The following DCAF5 variants were observed in gnomAD, a reference collection of about 807,000 sequenced individuals.
The protein encoded by DCAF5 is DDB1 and CUL4 associated factor 5.
Under a neutral mutation model 80.7 loss-of-function variants are expected in DCAF5, and 9 were observed. The observed-to-expected ratio is 0.11, with a 90% CI of 0.07 to 0.19. The LOEUF is 0.19. DCAF5 is among the 10% of genes least tolerant of loss of function. The pLI is 1.00. For missense variants in DCAF5, 842 were observed against 1,205.7 expected, an observed-to-expected ratio of 0.70 and a Z score of 4.47; for synonymous variants, 433 against 461.9, an observed-to-expected ratio of 0.94 and a Z score of 0.80.
chr14:69,105,925 A>ATATATATATATATAT (rs1595007547), intron 5 of DCAF5, among the ~76,000 whole-genome samples: 1 of 78,138 alleles, frequency 1.3e-5, no homozygotes, highest in East Asian at 3.4e-4. Flanking sequence ...ATATATATAT[A>ATATATATATATATAT]TATATATATA....
At chr14:69,148,985 T>C (rs574391374) in intron 1 of DCAF5, among the ~76,000 whole-genome samples, 2 of 152,328 alleles carry the variant, frequency 1.3e-5, no homozygotes, top group Non-Finnish European at 2.9e-5. Context: ...GTCTGGCTAA[T>C]CTGCACTGGT....
rs1473390174 is a variant in DCAF5, at chr14:69,118,123, T to G, written c.535+16A>C. 6.2e-6 allele frequency: 10 copies of G among 1,613,662 alleles called. No homozygotes were observed. Among genetic ancestry groups the G allele is most frequent in the Non-Finnish European group, 7.6e-6 (9 of 1,179,750 alleles). On this transcript the variant is annotated intron_variant, in intron 4 of 8. Coordinates refer to ENST00000341516, the MANE Select transcript of DCAF5 (RefSeq NM_003861.3). This position sits in a 1 kb window ranked among gnomAD's most constrained non-coding sequence, Gnocchi z 4.0. Reference sequence around the variant, plus strand: ...TGTTCAACACAGTCCAACAGTCATTTGCACAGTGAGCCTACCTCCATGGGG... The same window carrying G: ...TGTTCAACACAGTCCAACAGTCATTGGCACAGTGAGCCTACCTCCATGGGG...
At chr14:69,068,148 T>A (rs978284325) in intron 7 of DCAF5, among the ~76,000 whole-genome samples, 7 of 152,240 alleles carry the variant, frequency 4.6e-5, no homozygotes, top group African/African-American at 1.7e-4. Context: ...TCTGTGTGTG[T>A]GCCCATGCAC....
intron 6 of DCAF5, among the ~76,000 whole-genome samples, chr14:69,082,366 G>A (rs915817082): frequency 2.0e-5 from 3 of 152,158 alleles, no homozygotes; most frequent in African/African-American, 7.2e-5. Flanking sequence ...CATTATTCTT[G>A]CTTCTTTGAG....
Position 69,061,538 on chromosome 14 carries a change from A to G in DCAF5, c.1074+846T>C, listed in dbSNP as rs568356242. Reference sequence around the variant, plus strand: ...CTGGTAGAGGTGAGTTCATTCAGCCAATGTGCAAATGATCCAAGTATTTAG... The same window carrying G: ...CTGGTAGAGGTGAGTTCATTCAGCCGATGTGCAAATGATCCAAGTATTTAG... On this transcript the variant is annotated intron_variant, in intron 8 of 8. Coordinates refer to ENST00000341516, the MANE Select transcript of DCAF5 (RefSeq NM_003861.3). 1.2e-4 allele frequency among the ~76,000 whole-genome samples: 18 copies of G among 152,336 alleles called. No homozygotes were observed. In the East Asian group the frequency reaches 3.5e-3, roughly 29 times the overall value.
At chr14:69,151,519 C>G (rs985508542) in intron 1 of DCAF5, among the ~76,000 whole-genome samples, 6 of 152,180 alleles carry the variant, frequency 3.9e-5, no homozygotes, top group African/African-American at 1.4e-4. Context: ...CTGGGTTCCC[C>G]CTTCATCCCT....
chr14:69,053,642 T>C lies in DCAF5; in HGVS notation c.*215A>G, dbSNP rs1230092853. ...AAGGAGTCACTTGGGTTATTTTTTT[T>C]TCCCCTTTCTTAACACAGCACAAGC... On this transcript the variant is annotated 3_prime_UTR_variant, in exon 9 of 9. Coordinates refer to ENST00000341516, the MANE Select transcript of DCAF5 (RefSeq NM_003861.3). 1 of 493,294 alleles carries C rather than the reference T, an allele frequency of 2.0e-6. No homozygotes were observed. Among genetic ancestry groups the C allele is most frequent in the Non-Finnish European group, 3.4e-6 (1 of 295,762 alleles). The allele number at this position is 493,294 out of a possible 1,614,324, so 30.6% of individuals were successfully genotyped here.
At chr14:69,065,092 AC>A (rs2038377299) in intron 7 of DCAF5, among the ~76,000 whole-genome samples, 2 of 110,886 alleles carry the variant, frequency 1.8e-5, no homozygotes, top group Admixed American at 1.2e-4. Flanking sequence ...ATGCAATATG[AC>A]CTCTTTTTTT....
At chr14:69,150,954 G>A (rs1354579173) in intron 1 of DCAF5, among the ~76,000 whole-genome samples, 1 of 152,072 alleles carries the variant, frequency 6.6e-6, no homozygotes, top group Non-Finnish European at 1.5e-5. Context: ...TTACAATTCC[G>A]TTAACATGAT....
At chr14:69,067,866 ACCTCGTGATCTGCCCACCTTGG>A (rs1343612073) in intron 7 of DCAF5, among the ~76,000 whole-genome samples, 2 of 151,188 alleles carry the variant, frequency 1.3e-5, no homozygotes, top group Non-Finnish European at 2.9e-5. Flanking sequence ...CAATCTCTTG[ACCTCGTGATCTGCCCACCTTGG>A]CCTCCCAAAG....
At chr14:69,075,083 G>T (rs184649370) in intron 7 of DCAF5, among the ~76,000 whole-genome samples, 1 of 152,026 alleles carries the variant, frequency 6.6e-6, no homozygotes, top group East Asian at 1.9e-4. Flanking sequence ...TGGAAATAAG[G>T]GACATAAAGG....
intron 8 of DCAF5, among the ~76,000 whole-genome samples, chr14:69,059,751 G>T (rs2038132459): frequency 6.6e-6 from 1 of 152,112 alleles, no homozygotes; most frequent in Non-Finnish European, 1.5e-5. Flanking sequence ...CAAAGCTGAG[G>T]ACTCCAGAGC....
intron 5 of DCAF5, among the ~76,000 whole-genome samples, chr14:69,100,319 G>C (rs941850567): frequency 1.3e-5 from 2 of 152,164 alleles, no homozygotes; most frequent in African/African-American, 4.8e-5. Flanking sequence ...AGAAAGCTTT[G>C]AGAAAAGTAT....
At chr14:69,078,700 T>C (rs1207464470) in intron 6 of DCAF5, among the ~76,000 whole-genome samples, 2 of 152,182 alleles carry the variant, frequency 1.3e-5, no homozygotes, top group Non-Finnish European at 2.9e-5. Context: ...AGAGTAGTCA[T>C]GAAAATTCAG....
At position 69,152,664 on chromosome 14, in the gene DCAF5, G is replaced by A. The variant is rs905510757; in HGVS notation, c.214+101C>T. ...CGCAGAAGGGGGTAGAGAAAGGGAG[G>A]GGGTGGGGACAGAGGGCAGGAGGAG... is the stretch of plus-strand genomic sequence containing the variant. On this transcript the variant is annotated intron_variant, in intron 1 of 8. Coordinates refer to ENST00000341516, the MANE Select transcript of DCAF5 (RefSeq NM_003861.3). The surrounding 1 kb of genome is among the most constrained non-coding windows in gnomAD (Gnocchi z 4.1). 2.2e-5 allele frequency: 18 copies of A among 814,460 alleles called. No homozygotes were observed. The highest frequency in any genetic ancestry group is 1.2e-4 in the African/African-American group (7 of 58,344). 50.5% of individuals were successfully genotyped at this position (814,460 alleles called of 1,614,324 possible). A position where few individuals can be genotyped will look rare whatever the true frequency, so the allele number is the denominator to read the frequency against.
At chr14:69,094,889 G>C (rs1594985141) in intron 5 of DCAF5, among the ~76,000 whole-genome samples, 1 of 152,040 alleles carries the variant, frequency 6.6e-6, no homozygotes, top group African/African-American at 2.4e-5. Flanking sequence ...AGCAACACCA[G>C]TTAATTGTGA....
In DCAF5 at chr14:69,055,167, C is replaced by A. The variant is rs1328568556; in HGVS notation, c.1519G>T (p.Ala507Ser). 1.2e-6 allele frequency: 2 copies of A among 1,614,236 alleles called. No individual in the cohort carries two copies. The highest frequency in any genetic ancestry group is 8.5e-7 in the Non-Finnish European group (1 of 1,180,032). The change falls in exon 9 of 9, where the codon GCC becomes TCC. Residue 507 changes from alanine (A) to serine (S), a missense_variant. Physicochemically the swap from Ala to Ser is moderately conservative, Grantham distance 99 (BLOSUM62 1). Transcript: ENST00000341516. The surrounding 1 kb of genome is among the most constrained non-coding windows in gnomAD (Gnocchi z 5.6). ...TPPTPTCEDA[A>S]SRQQRLSALR... is the part of the protein sequence containing the mutation. ...GCAGACAGACGCTGCTGGCGAGAGG[C>A]TGCATCCTCACACGTGGGTGTTGGT...
chr14:69,098,225 C>T (rs1205591230), intron 5 of DCAF5, among the ~76,000 whole-genome samples: 3 of 152,108 alleles, frequency 2.0e-5, no homozygotes, highest in Admixed American at 6.5e-5. Context: ...GCTGCAGAGC[C>T]GTAGTACTTA....
At position 69,053,721 on chromosome 14, in the gene DCAF5, A is replaced by G; in HGVS notation, c.*136T>C. On this transcript the variant is annotated 3_prime_UTR_variant, in exon 9 of 9. Transcript: ENST00000341516. ...TGTTGAATGTTGGATAGAAGGGAGCAGCATCAGACACAAAATTTCAGGCCC... is the reference window on the plus strand; with the variant it reads ...TGTTGAATGTTGGATAGAAGGGAGCGGCATCAGACACAAAATTTCAGGCCC... 1.3e-6 allele frequency: 1 copy of G among 756,256 alleles called. No individual in the cohort carries two copies. The highest frequency in any genetic ancestry group is 2.1e-6 in the Non-Finnish European group (1 of 486,004). The allele number at this position is 756,256 out of a possible 1,614,324, so 46.8% of individuals were successfully genotyped here.
Sources: allele counts gnomAD v4.1 joint callset (sites outside exome capture counted in the v4.1 genomes callset), GRCh38; gene constraint gnomAD v4.1.1; non-coding constraint Gnocchi (gnomAD v3.1); transcripts MANE v1.5; gene names NCBI Gene and HGNC (gene_info 2026-07-23, HGNC 2026-07-21).